ANKRD11: variants seen among roughly 807,000 people sequenced by gnomAD.
ANKRD11 encodes ankyrin repeat domain 11, also known as ankyrin repeat domain-containing protein 11.
Under a neutral mutation model 195.7 loss-of-function variants are expected in ANKRD11, and 17 were observed. The ratio of observed to expected loss-of-function variants is 0.09; its 90% confidence interval spans 0.06 to 0.13. ANKRD11 has a LOEUF of 0.13. Ranked by LOEUF, ANKRD11 falls within the 10% of genes least tolerant of loss-of-function variation. The pLI is 1.00. For missense variants in ANKRD11, 3,735 were observed against 3,566.1 expected (o/e 1.05, Z -1.21); for synonymous variants, 1,953 against 1,528.1 (o/e 1.28, Z -6.49).
At chr16:89,479,516 T>G (rs2152368451) in intron 1 of ANKRD11, among the ~76,000 whole-genome samples, 1 of 152,032 alleles carries the variant, frequency 6.6e-6, no homozygotes, top group African/African-American at 2.4e-5. Context: ...ATGCCTGTAA[T>G]CCCAGCTATT....
At chr16:89,472,799 CCA>C (rs1357664681) in intron 1 of ANKRD11, among the ~76,000 whole-genome samples, 2 of 152,118 alleles carry the variant, frequency 1.3e-5, no homozygotes, top group Non-Finnish European at 1.5e-5. Context: ...TAAATTATTA[CCA>C]CAGAGGGGAG....
intron 2 of ANKRD11, among the ~76,000 whole-genome samples, chr16:89,364,153 G>C (rs1362986859): frequency 2.0e-5 from 3 of 152,220 alleles, no homozygotes; most frequent in Non-Finnish European, 2.9e-5. Context: ...CCTGGAGCCT[G>C]GGTGTACCCC....
chr16:89,462,991 G>C (rs945076231), intron 1 of ANKRD11, among the ~76,000 whole-genome samples: 10 of 150,998 alleles, frequency 6.6e-5, no homozygotes, highest in Non-Finnish European at 1.3e-4. Flanking sequence ...CCCCGTCCGG[G>C]AGGGAGGTGG....
intron 2 of ANKRD11, among the ~76,000 whole-genome samples, chr16:89,417,179 T>C (rs941288722): frequency 6.6e-6 from 1 of 152,156 alleles, no homozygotes; most frequent in African/African-American, 2.4e-5. Context: ...TATTTTAAAG[T>C]GGCCTGACTC....
At chr16:89,363,472 T>C (rs2039817702) in intron 2 of ANKRD11, among the ~76,000 whole-genome samples, 1 of 104,860 alleles carries the variant, frequency 9.5e-6, no homozygotes, top group African/African-American at 3.8e-5. Context: ...AGTATAATAA[T>C]AATAAAATTA....
In ANKRD11 at chr16:89,281,257, T is replaced by G. The variant is rs2034211358; in HGVS notation, c.5285A>C (p.Asp1762Ala). The G allele has an allele frequency of 6.2e-7, 1 of 1,613,896 alleles. No individual in the cohort carries two copies. The highest frequency in any genetic ancestry group is 8.5e-7 in the Non-Finnish European group (1 of 1,179,940). ...CCCACTTGAAGCCACGGAGAACCTG[T>G]CGAAAAAGGAGGGGGAGCAGGCGCT... is the stretch of plus-strand genomic sequence containing the variant. The part of the protein sequence containing the change: ...PTSACSPSFF[D>A]RFSVASSGLS... Residue 1762 changes from aspartate (D) to alanine (A), a missense_variant, in exon 9 of 13, where the codon GAC becomes GCC. Asp to Ala is a moderately radical substitution (Grantham distance 126, BLOSUM62 -2). Coordinates refer to ENST00000301030, the MANE Select transcript of ANKRD11 (RefSeq NM_013275.6). This position sits in a 1 kb window ranked among gnomAD's most constrained non-coding sequence, Gnocchi z 5.5.
At chr16:89,472,899 C>T (rs1156964518) in intron 1 of ANKRD11, among the ~76,000 whole-genome samples, 3 of 152,156 alleles carry the variant, frequency 2.0e-5, no homozygotes, top group Non-Finnish European at 2.9e-5. Context: ...GATCAAGAGG[C>T]TCACTGGGGG....
chr16:89,391,952 G>T (rs1014510881), intron 2 of ANKRD11, among the ~76,000 whole-genome samples: 1 of 152,212 alleles, frequency 6.6e-6, no homozygotes, highest in Non-Finnish European at 1.5e-5. Flanking sequence ...CAAGCATTAG[G>T]TCACGGCCTG....
At chr16:89,288,181 AACAGTCCC>A in intron 7 of ANKRD11, 1 of 606,534 alleles carries the variant, frequency 1.6e-6, no homozygotes, top group South Asian at 1.9e-5. Context: ...TTGCAGGTCT[AACAGTCCC>A]ACAGTGGTGA....
At chr16:89,384,023 C>T (rs1331576400) in intron 2 of ANKRD11, among the ~76,000 whole-genome samples, 1 of 152,158 alleles carries the variant, frequency 6.6e-6, no homozygotes, top group Non-Finnish European at 1.5e-5. Context: ...AGTTCAAGAC[C>T]AGCCTGGCCA....
chr16:89,325,510 G>C (rs980494788), intron 2 of ANKRD11, among the ~76,000 whole-genome samples: 1 of 151,720 alleles, frequency 6.6e-6, no homozygotes, highest in African/African-American at 2.4e-5. Flanking sequence ...AATAATGTTG[G>C]GGACAAAATA....
At chr16:89,476,559 G>A (rs1216384302) in intron 1 of ANKRD11, among the ~76,000 whole-genome samples, 1 of 152,238 alleles carries the variant, frequency 6.6e-6, no homozygotes, top group East Asian at 1.9e-4. Flanking sequence ...GCCTGGGCAG[G>A]TGGGCAGGTT....
intron 2 of ANKRD11, among the ~76,000 whole-genome samples, chr16:89,393,391 T>C (rs779727051): frequency 7.3e-5 from 11 of 151,458 alleles, no homozygotes; most frequent in East Asian, 3.9e-4. Flanking sequence ...TGGCGCAATA[T>C]TGGCTCACTG....
chr16:89,439,848 C>G (rs538093702), intron 1 of ANKRD11, among the ~76,000 whole-genome samples: 1 of 152,206 alleles, frequency 6.6e-6, no homozygotes, highest in Non-Finnish European at 1.5e-5. Flanking sequence ...GCTGTAAGCT[C>G]AACTCTAACA....
chr16:89,305,357 G>A lies in ANKRD11; in HGVS notation c.88-13C>T, dbSNP rs750091145. The stretch of plus-strand genomic sequence containing the variant: ...CTTTATCTTTATCCTAGAAAAGAAA[G>A]GGATGCTTTCAGTCGTGATGTCCAA... On this transcript the variant is annotated splice_polypyrimidine_tract_variant and intron_variant, in intron 3 of 12. Transcript: ENST00000301030. 5.6e-6 allele frequency: 9 copies of A among 1,613,746 alleles called. No individual in the cohort carries two copies. The highest frequency in any genetic ancestry group is 2.7e-5 in the African/African-American group (2 of 74,894).
chr16:89,431,589 G>T (rs182128023), intron 1 of ANKRD11, among the ~76,000 whole-genome samples: 1 of 152,194 alleles, frequency 6.6e-6, no homozygotes, highest in East Asian at 1.9e-4. Flanking sequence ...ACCATTCCCG[G>T]TTTCTCTTGT....
chr16:89,297,005 G>A (rs1475818089), intron 4 of ANKRD11, among the ~76,000 whole-genome samples: 2 of 152,136 alleles, frequency 1.3e-5, no homozygotes, highest in African/African-American at 2.4e-5. Context: ...TGGCCCTCTC[G>A]AGGGGACAAG....
chr16:89,404,260 C>A (rs1375759026), intron 2 of ANKRD11, among the ~76,000 whole-genome samples: 1 of 152,148 alleles, frequency 6.6e-6, no homozygotes, highest in Non-Finnish European at 1.5e-5. Flanking sequence ...CTCCTATCCA[C>A]CCTCACCAAG....
At chr16:89,331,827 T>G (rs1009230263) in intron 2 of ANKRD11, among the ~76,000 whole-genome samples, 1 of 152,198 alleles carries the variant, frequency 6.6e-6, no homozygotes, top group African/African-American at 2.4e-5. Context: ...GATACGGTGA[T>G]GGTTTTGAAT....
Sources: allele counts gnomAD v4.1 joint callset (sites outside exome capture counted in the v4.1 genomes callset), GRCh38; gene constraint gnomAD v4.1.1; non-coding constraint Gnocchi (gnomAD v3.1); transcripts MANE v1.5; gene names NCBI Gene and HGNC (gene_info 2026-07-23, HGNC 2026-07-21).